Variants in KCTD2 observed in about 807,000 individuals in gnomAD.
KCTD2 encodes the protein BTB/POZ domain-containing protein KCTD2.
Under a neutral mutation model 27.9 loss-of-function variants are expected in KCTD2, and 18 were observed. The ratio of observed to expected loss-of-function variants is 0.64; its 90% CI spans 0.45 to 0.96. The LOEUF (loss-of-function observed/expected upper bound fraction) is 0.96. Ranked by LOEUF, KCTD2 falls within the 40% of genes least tolerant of loss-of-function variation. The pLI is 0.00. For missense variants in KCTD2, 280 were observed against 348.0 expected (o/e 0.80, Z 1.56); for synonymous variants, 175 against 148.4 (o/e 1.18, Z -1.30).
chr17:75,059,781 G>A (rs1338649607), intron 4 of KCTD2, among the ~76,000 whole-genome samples, 176 bp downstream of exon 4: 1 of 152,198 alleles, frequency 6.6e-6, no homozygotes. Context: ...CTAGTGGTGC[G>A]TGAGGAGTTG....
At chr17:75,059,213 C>T (rs2073379860) in intron 3 of KCTD2, 2 of 197,346 alleles carry the variant, frequency 1.0e-5, no homozygotes, top group African/African-American at 4.6e-5. Flanking sequence ...AGCATTCATC[C>T]CTCTGAAGTT....
At chr17:75,051,508 A>T (rs1167934008) in intron 2 of KCTD2, among the ~76,000 whole-genome samples, 8 of 137,762 alleles carry the variant, frequency 5.8e-5, no homozygotes, top group South Asian at 2.3e-4. Context: ...CTGGTCTTGA[A>T]CTCCTGACCT....
chr17:75,042,316 A>G, upstream of KCTD2: 1 of 1,600,870 alleles, frequency 6.2e-7, no homozygotes, highest in Middle Eastern at 1.7e-4. Context: ...ATTGTTCATA[A>G]GCAGTAGAAA....
At chr17:75,062,858 C>T (rs991643048) in intron 5 of KCTD2, among the ~76,000 whole-genome samples, 160 bp from the exon 6 acceptor site, 6 of 152,136 alleles carry the variant, frequency 3.9e-5, no homozygotes, top group Admixed American at 1.3e-4. Context: ...GAGAGTGTTT[C>T]GCACCAGAAG....
intron 3 of KCTD2, chr17:75,035,379 G>C (rs1334738819): frequency 6.6e-6 from 1 of 152,112 alleles, no homozygotes. Flanking sequence ...CCCATTTCTT[G>C]TTGTCTCTCT....
In KCTD2 at chr17:75,049,248, G is replaced by T. The variant is rs367762476; in HGVS notation, c.368G>T (p.Arg123Met). The T allele has an allele frequency of 6.2e-7, 1 of 1,613,198 alleles. No homozygotes were observed. Among genetic ancestry groups the T allele is most frequent in the Non-Finnish European group, 8.5e-7 (1 of 1,179,222 alleles). ...KDETGAYLID[R>M]DPTYFGPILN... is the part of the protein sequence containing the mutation. Reference sequence around the variant, plus strand: ...GAGACAGGAGCCTATCTGATTGACAGGGACCCCACCTACTTTGGTCCTATC... The same window carrying T: ...GAGACAGGAGCCTATCTGATTGACATGGACCCCACCTACTTTGGTCCTATC... Residue 123 changes from arginine (R) to methionine (M), a missense_variant, in exon 2 of 6, where the codon AGG becomes ATG. By Grantham distance (91) the Arg-to-Met change is moderately conservative. Transcript: ENST00000322444.
upstream of KCTD2, chr17:75,042,753 G>C (rs114110296): frequency 7.9e-7 from 1 of 1,268,414 alleles, no homozygotes; most frequent in Admixed American, 2.3e-5. Context: ...CTCTTAGAGA[G>C]AATCCTTTAA....
intron 3 of KCTD2, chr17:75,035,476 C>T (rs2040107464): frequency 6.6e-6 from 1 of 152,174 alleles, no homozygotes; most frequent in African/African-American, 2.4e-5. Flanking sequence ...GCAAATGACA[C>T]GGAGCGGGTT....
Position 75,063,084 on chromosome 17 carries a change from A to G in KCTD2, c.*37A>G. 6.3e-7 allele frequency: 1 copy of G among 1,598,702 alleles called. No homozygotes were observed. The highest frequency in any genetic ancestry group is 8.6e-7 in the Non-Finnish European group (1 of 1,166,622). ...GAAAACTCCAGACCTTCAGGAGAGCAGTCAGCAGAGCCCCTCTGTGAAGTG... is the reference window on the plus strand; with the variant it reads ...GAAAACTCCAGACCTTCAGGAGAGCGGTCAGCAGAGCCCCTCTGTGAAGTG... On this transcript the variant is annotated 3_prime_UTR_variant, in exon 6 of 6. Transcript: ENST00000322444.
chr17:75,042,249 C>T, upstream of KCTD2: 1 of 1,614,164 alleles, frequency 6.2e-7, no homozygotes, highest in Non-Finnish European at 8.5e-7. Flanking sequence ...CAGTCGATAG[C>T]TGGTGGATTC....
rs1304854467 is a variant in KCTD2 at position 75,064,767 on chromosome 17, C to A, written c.*1720C>A. Reference sequence around the variant, plus strand: ...CAAGAGTCACAGGCATCCATCCAGTCGTATCTTTCAGAGAAAAAAAAAGTT... The same window carrying A: ...CAAGAGTCACAGGCATCCATCCAGTAGTATCTTTCAGAGAAAAAAAAAGTT... On this transcript the variant is annotated 3_prime_UTR_variant, in exon 6 of 6. Transcript: ENST00000322444. 1 of 152,034 alleles carries A rather than the reference C, an allele frequency of 6.6e-6. No homozygotes were observed. Among genetic ancestry groups the A allele is most frequent in the Non-Finnish European group, 1.5e-5 (1 of 68,032 alleles). The allele number at this position is 152,034 out of a possible 1,614,324, so 9.4% of individuals were successfully genotyped here.
At chr17:75,046,491 G>A (rs1472883267), upstream of KCTD2, among the ~76,000 whole-genome samples, 2 of 152,210 alleles carry the variant, frequency 1.3e-5, no homozygotes, top group Non-Finnish European at 2.9e-5. Flanking sequence ...ACCGAACTCT[G>A]CACCCGAGGA....
At chr17:75,040,213 A>G in intron 3 of KCTD2, 1 of 1,608,960 alleles carries the variant, frequency 6.2e-7, no homozygotes, top group African/African-American at 1.3e-5. Flanking sequence ...CTACAAACAC[A>G]AGGACAGTGA....
At chr17:75,056,235 A>C (rs893192133) in intron 3 of KCTD2, among the ~76,000 whole-genome samples, 1 of 152,228 alleles carries the variant, frequency 6.6e-6, no homozygotes, top group Non-Finnish European at 1.5e-5. Context: ...GTTGGTTTGC[A>C]GATTACCACT....
chr17:75,062,293 A>C (rs1598129977), intron 5 of KCTD2, 48 bp downstream of exon 5: 1 of 1,571,536 alleles, frequency 6.4e-7, no homozygotes, highest in Non-Finnish European at 8.6e-7. Flanking sequence ...GCTTGTTCGC[A>C]CCCCCTCCGT....
upstream of KCTD2, chr17:75,042,481 T>G (rs2073171217): frequency 6.3e-7 from 1 of 1,594,312 alleles, no homozygotes; most frequent in African/African-American, 1.4e-5. Flanking sequence ...CTGTTTTGTT[T>G]CTAGATTCAG....
At chr17:75,039,518 G>A (rs976919088) in intron 3 of KCTD2, 10 of 497,786 alleles carry the variant, frequency 2.0e-5, no homozygotes, top group Admixed American at 1.0e-4. Flanking sequence ...TTCCTCATCC[G>A]AAGACCTACA....
intron 2 of KCTD2, among the ~76,000 whole-genome samples, chr17:75,052,727 CG>C (rs1024831113): frequency 5.3e-5 from 8 of 151,472 alleles, no homozygotes; most frequent in East Asian, 1.9e-4. Flanking sequence ...CTGTTTCGGG[CG>C]GGGGGAAAAA....
intron 3 of KCTD2, chr17:75,040,117 T>C (rs562549086): frequency 1.9e-6 from 3 of 1,613,072 alleles, no homozygotes; most frequent in Admixed American, 1.7e-5. Flanking sequence ...GGCATCCACC[T>C]GGGCAGTATA....
Sources: gnomAD v4.1 joint callset for allele counts (sites outside exome capture counted in the v4.1 genomes callset) on GRCh38, gnomAD v4.1.1 for gene constraint, MANE v1.5 for transcripts, NCBI Gene and HGNC (gene_info 2026-07-23, HGNC 2026-07-21) for gene names.